Variants in ZNF345 observed in about 807,000 individuals in gnomAD.
The protein encoded by ZNF345 is zinc finger protein HZF10.
For synonymous variants in ZNF345, 166 were observed against 187.9 expected (o/e 0.88, Z 0.95); for missense variants, 527 against 589.9 (o/e 0.89, Z 1.10).
At chr19:36,886,965 G>T (rs1254660917) in intron 3 of ZNF345, among the ~76,000 whole-genome samples, 2 of 145,338 alleles carry the variant, frequency 1.4e-5, no homozygotes, top group Non-Finnish European at 3.0e-5. Context: ...CTGCAGTCCA[G>T]CTTGGGCGAA....
intron 3 of ZNF345, chr19:36,891,809 G>GAAA (rs2073056466): frequency 6.2e-7 from 1 of 1,613,930 alleles, no homozygotes; most frequent in Admixed American, 1.7e-5. Flanking sequence ...TTCCCACACT[G>GAAA]CTTACATTCA....
chr19:36,873,689 C>CTTT (rs34362517), intron 2 of ZNF345, among the ~76,000 whole-genome samples: 1 of 142,712 alleles, frequency 7.0e-6, no homozygotes, highest in Non-Finnish European at 1.5e-5. Flanking sequence ...TATTTCTGTA[C>CTTT]TTTTTTTTTT....
downstream of ZNF345, among the ~76,000 whole-genome samples, chr19:36,881,031 TA>T (rs984069840): frequency 1.8e-4 from 28 of 151,816 alleles, no homozygotes; most frequent in African/African-American, 6.8e-4. Flanking sequence ...AATTTTAGAA[TA>T]AAAAAAGCTA....
intron 2 of ZNF345, among the ~76,000 whole-genome samples, chr19:36,865,465 T>A (rs192311661): frequency 6.6e-6 from 1 of 152,314 alleles, no homozygotes; most frequent in African/African-American, 2.4e-5. Flanking sequence ...TTTTTATTTA[T>A]TTATTTATTG....
At chr19:36,882,388 C>T (rs2072974084), downstream of ZNF345, among the ~76,000 whole-genome samples, 1 of 152,118 alleles carries the variant, frequency 6.6e-6, no homozygotes, top group African/African-American at 2.4e-5. Context: ...CTGCCTCAGC[C>T]TCCTGAGTAG....
intron 2 of ZNF345, among the ~76,000 whole-genome samples, chr19:36,870,494 G>A (rs2072750294): frequency 1.3e-5 from 2 of 151,968 alleles, no homozygotes; most frequent in African/African-American, 4.8e-5. Context: ...TTGCCTTCCT[G>A]TTTCTTGGTT....
At chr19:36,885,929 A>G (rs62115571) in intron 3 of ZNF345, among the ~76,000 whole-genome samples, 49,745 of 151,952 alleles carry the variant, frequency 0.33, 9,134 homozygotes, top group Non-Finnish European at 0.43. Context: ...CTTTCCTGAT[A>G]CCATCCTGAT....
At chr19:36,880,435 AG>A (rs2072961488), downstream of ZNF345, among the ~76,000 whole-genome samples, 1 of 151,050 alleles carries the variant, frequency 6.6e-6, no homozygotes, top group Non-Finnish European at 1.5e-5. Flanking sequence ...AAAAACTAGC[AG>A]TTTTCTCCAT....
chr19:36,889,448 T>C (rs1481728921), intron 3 of ZNF345: 1 of 152,186 alleles, frequency 6.6e-6, no homozygotes, highest in African/African-American at 2.4e-5. Flanking sequence ...GCAAGATTTT[T>C]TTCTATTACT....
At chr19:36,870,736 T>C (rs2072755168) in intron 2 of ZNF345, among the ~76,000 whole-genome samples, 1 of 152,188 alleles carries the variant, frequency 6.6e-6, no homozygotes, top group Admixed American at 6.5e-5. Context: ...TCTTTGCATA[T>C]TGGAGCCTTT....
chr19:36,853,644 GT>G (rs2072338840), intron 2 of ZNF345, among the ~76,000 whole-genome samples: 1 of 152,124 alleles, frequency 6.6e-6, no homozygotes, highest in Non-Finnish European at 1.5e-5. Context: ...TGTGTATCCA[GT>G]TATTATAGTA....
At chr19:36,854,303 C>G (rs966323431) in intron 2 of ZNF345, 1 of 151,452 alleles carries the variant, frequency 6.6e-6, no homozygotes, top group Admixed American at 6.6e-5. Context: ...CCACCTCTTC[C>G]TCCTCCTCAA....
Position 36,878,106 on chromosome 19 carries a change from T to A in ZNF345, c.1276T>A (p.Tyr426Asn). 1.9e-6 allele frequency: 3 copies of A among 1,614,086 alleles called. No homozygotes were observed. The highest frequency in any genetic ancestry group is 2.2e-5 in the East Asian group (1 of 44,866). The change falls in exon 3 of 3, where the codon TAT (tyrosine) becomes AAT (asparagine). Residue 426 changes from tyrosine to asparagine, a missense_variant. Tyr to Asn is a moderately radical substitution (Grantham distance 143). Coordinates refer to ENST00000420450, the MANE Select transcript of ZNF345 (RefSeq NM_001242472.2). ...GAGAATACACACTGGTGAGAAACCC[T>A]ATGAATGTAAGGAGTGTGGGAAGGC... ...HQRIHTGEKP[Y>N]ECKECGKAFY...
At chr19:36,891,828 C>T in intron 3 of ZNF345, 2 of 1,614,114 alleles carry the variant, frequency 1.2e-6, no homozygotes, top group South Asian at 2.2e-5. Flanking sequence ...CATAAGGTTT[C>T]TCACCAGTAT....
At position 36,867,538 on chromosome 19, in the gene ZNF345, C is replaced by A. The variant is rs973948119; in HGVS notation, c.-46-9247C>A. ...TTGGATGAATTTAAATTGATGTATT[C>A]TTTTCTTTCATTGCTTGTGCTTTAG... is the stretch of plus-strand genomic sequence containing the variant. On this transcript the variant is annotated intron_variant, in intron 2 of 2. Coordinates refer to ENST00000420450, the MANE Select transcript of ZNF345 (RefSeq NM_001242472.2). Among the ~76,000 whole-genome samples, 30 of 152,114 alleles carry A rather than the reference C, an allele frequency of 2.0e-4. 1 individual carries two copies. Among genetic ancestry groups the A allele is most frequent in the South Asian group, 2.1e-4 (1 of 4,830 alleles).
At chr19:36,882,546 C>T (rs950979625), downstream of ZNF345, among the ~76,000 whole-genome samples, 4 of 152,210 alleles carry the variant, frequency 2.6e-5, no homozygotes, top group African/African-American at 7.2e-5. Context: ...GGATTACAGG[C>T]GTGAGCCACT....
intron 3 of ZNF345, chr19:36,892,695 T>A (rs2073069781): frequency 3.3e-6 from 2 of 611,738 alleles, no homozygotes; most frequent in Non-Finnish European, 5.4e-6. Context: ...TCTATGATCC[T>A]CAAATTTTGG....
intron 2 of ZNF345, among the ~76,000 whole-genome samples, chr19:36,854,239 T>G (rs1254141702): frequency 1.3e-5 from 2 of 151,656 alleles, no homozygotes; most frequent in East Asian, 1.9e-4. Flanking sequence ...GGTTTTGTTT[T>G]TTTTTTTTTT....
chr19:36,859,502 T>A (rs1296948029), intron 2 of ZNF345, among the ~76,000 whole-genome samples: 4 of 151,986 alleles, frequency 2.6e-5, no homozygotes, highest in East Asian at 1.9e-4. Context: ...TTTTTTTTTT[T>A]AATTTTGAGA....
Sources: allele counts gnomAD v4.1 joint callset (sites outside exome capture counted in the v4.1 genomes callset), GRCh38; gene constraint gnomAD v4.1.1; transcripts MANE v1.5; gene names NCBI Gene and HGNC (gene_info 2026-07-23, HGNC 2026-07-21).